Variants in CSMD1 observed in about 807,000 individuals in gnomAD.
The protein encoded by CSMD1 is CUB and sushi domain-containing protein 1.
A neutral mutation model predicts 417.5 loss-of-function variants in CSMD1; 213 were observed. The ratio of observed to expected loss-of-function variants is 0.51; its 90% confidence interval spans 0.46 to 0.57. The LOEUF (loss-of-function observed/expected upper bound fraction) is 0.57, where lower values mean the gene tolerates loss of function less well. Ranked by LOEUF, CSMD1 falls within the 20% of genes least tolerant of loss-of-function variation. The pLI is 0.00. For missense variants in CSMD1, 6,923 were observed against 4,529.7 expected (o/e 1.53, Z -15.17); for synonymous variants, 2,862 against 1,736.8 (o/e 1.65, Z -16.11).
intron 3 of CSMD1, among the ~76,000 whole-genome samples, chr8:4,076,089 G>A (rs959004289): frequency 2.6e-5 from 4 of 152,174 alleles, no homozygotes; most frequent in Admixed American, 2.0e-4. Context: ...ATCTTGAATT[G>A]CAGTTCCCAT....
intron 29 of CSMD1, among the ~76,000 whole-genome samples, chr8:3,217,443 G>A (rs753826995): frequency 6.6e-6 from 1 of 152,152 alleles, no homozygotes; most frequent in South Asian, 2.1e-4. Context: ...GGATGCCGGG[G>A]AGAACAGGAG....
At chr8:3,438,370 T>C (rs1325684655) in intron 12 of CSMD1, among the ~76,000 whole-genome samples, 1 of 152,258 alleles carries the variant, frequency 6.6e-6, no homozygotes, top group South Asian at 2.1e-4. Context: ...ACAGAACATG[T>C]CCAGCAACAC....
rs77998251 is a variant in CSMD1, at chr8:3,368,575, G to C, written c.2899+679C>G. 9.6e-3 allele frequency among the ~76,000 whole-genome samples: 1,464 copies of C among 152,222 alleles called. 11 individuals are homozygous for C. The highest frequency in any genetic ancestry group is 0.015 in the Non-Finnish European group (1,048 of 68,028). On this transcript the variant is annotated intron_variant, in intron 19 of 69. Coordinates refer to ENST00000635120, the MANE Select transcript of CSMD1 (RefSeq NM_033225.6). Reference sequence around the variant, plus strand: ...TCTGGTCTGGAACTCCTGACCTCAGGTGATACACCTGTCTTGGCCTCCCGA... The same window carrying C: ...TCTGGTCTGGAACTCCTGACCTCAGCTGATACACCTGTCTTGGCCTCCCGA...
intron 26 of CSMD1, among the ~76,000 whole-genome samples, chr8:3,276,324 A>C (rs1802287195): frequency 6.6e-6 from 1 of 152,166 alleles, no homozygotes; most frequent in South Asian, 2.1e-4. Context: ...GCTCTCTTCA[A>C]AGCTCAGATG....
intron 2 of CSMD1, among the ~76,000 whole-genome samples, chr8:4,466,557 G>T (rs897824238): frequency 1.3e-5 from 2 of 152,070 alleles, no homozygotes; most frequent in Non-Finnish European, 2.9e-5. Context: ...GAGCAAAAAT[G>T]GGCAAACAAA....
At chr8:4,026,538 T>A (rs1056436430) in intron 4 of CSMD1, among the ~76,000 whole-genome samples, 2 of 152,104 alleles carry the variant, frequency 1.3e-5, no homozygotes, top group African/African-American at 4.8e-5. Flanking sequence ...CAATAAACAA[T>A]GAAGGAAAAT....
intron 4 of CSMD1, among the ~76,000 whole-genome samples, chr8:4,018,216 T>C (rs910002129): frequency 1.7e-4 from 26 of 152,106 alleles, no homozygotes; most frequent in African/African-American, 4.8e-4. Flanking sequence ...TTTCCAGAAT[T>C]ATATTTTCAG....
At chr8:3,056,039 G>A (rs1364701756) in intron 49 of CSMD1, among the ~76,000 whole-genome samples, 1 of 152,190 alleles carries the variant, frequency 6.6e-6, no homozygotes, top group African/African-American at 2.4e-5. Flanking sequence ...TTATGTTATA[G>A]GCAGAATATG....
At chr8:3,006,026 T>G (rs529272184) in intron 52 of CSMD1, among the ~76,000 whole-genome samples, 5,283 of 151,578 alleles carry the variant, frequency 0.035, 128 homozygotes, top group African/African-American at 0.072. Flanking sequence ...GAAAACCCCA[T>G]TGTCTCAGCC....
chr8:3,270,967 G>C (rs867629491), intron 26 of CSMD1, among the ~76,000 whole-genome samples: 2 of 150,450 alleles, frequency 1.3e-5, no homozygotes, highest in Admixed American at 1.3e-4. Context: ...TAGGGTACAT[G>C]TGCACAACGT....
intron 1 of CSMD1, among the ~76,000 whole-genome samples, chr8:4,972,774 A>G (rs1172466546): frequency 6.8e-6 from 1 of 147,782 alleles, no homozygotes; most frequent in Admixed American, 6.8e-5. Flanking sequence ...TCTAAATGAC[A>G]GGCATCATGA....
intron 3 of CSMD1, among the ~76,000 whole-genome samples, chr8:4,248,702 T>C (rs1409274905): frequency 6.6e-6 from 1 of 152,166 alleles, no homozygotes; most frequent in Non-Finnish European, 1.5e-5. Context: ...CCAACACTTG[T>C]ATCCTGCTCT....
intron 68 of CSMD1, among the ~76,000 whole-genome samples, chr8:2,944,894 T>A (rs543453673): frequency 3.9e-5 from 6 of 152,252 alleles, no homozygotes; most frequent in Admixed American, 3.3e-4. Flanking sequence ...CCATAATAGA[T>A]AACAAAATTC....
At chr8:3,943,911 A>G (rs1811056744) in intron 5 of CSMD1, among the ~76,000 whole-genome samples, 1 of 152,148 alleles carries the variant, frequency 6.6e-6, no homozygotes, top group South Asian at 2.1e-4. Context: ...ATGCTGAATT[A>G]GGTTCTGAGC....
chr8:3,060,362 TCTTGAACTCCTGAACTC>T (rs886668769), intron 49 of CSMD1, among the ~76,000 whole-genome samples: 2 of 152,178 alleles, frequency 1.3e-5, no homozygotes, highest in Admixed American at 6.5e-5. Flanking sequence ...GCCAGACTGA[TCTTGAACTCCTGAACTC>T]CTTGAACTCC....
At chr8:3,980,815 C>T (rs1585071914) in intron 5 of CSMD1, among the ~76,000 whole-genome samples, 1 of 152,176 alleles carries the variant, frequency 6.6e-6, no homozygotes. Flanking sequence ...TGGCCAACCA[C>T]TAATGTCCCC....
At position 3,029,387 on chromosome 8, in the gene CSMD1, C is replaced by T. The variant is rs1230604216; in HGVS notation, c.7787G>A (p.Gly2596Asp). 6.2e-7 allele frequency: 1 copy of T among 1,611,784 alleles called. No homozygotes were observed. Among genetic ancestry groups the T allele is most frequent in the Non-Finnish European group, 8.5e-7 (1 of 1,179,484 alleles). Residue 2596 changes from glycine to aspartate, a missense_variant, in exon 51 of 70, where the codon GGC (glycine) becomes GAC (aspartate). Transcript: ENST00000635120. ...LSCSPGYYLE[G>D]WRLLRCQANG... ...GGCCTGGCACCGCAGGAGCCTCCAG[C>T]CTTCTAAGTAGTAACCAGGACTGCA...
intron 12 of CSMD1, among the ~76,000 whole-genome samples, chr8:3,454,136 C>T (rs1815946490): frequency 1.3e-5 from 2 of 151,998 alleles, no homozygotes; most frequent in African/African-American, 4.8e-5. Flanking sequence ...GATTGCAACC[C>T]CTGCCTTTTT....
At chr8:2,965,981 C>A in intron 58 of CSMD1, 27 bp from the exon 59 acceptor site, 1 of 1,557,546 alleles carries the variant, frequency 6.4e-7, no homozygotes, top group Non-Finnish European at 8.7e-7. Context: ...AGGAAAGAAT[C>A]AGAGAAATTC....
Sources: gnomAD v4.1 joint callset for allele counts (sites outside exome capture counted in the v4.1 genomes callset) on GRCh38, gnomAD v4.1.1 for gene constraint, MANE v1.5 for transcripts, NCBI Gene and HGNC (gene_info 2026-07-23, HGNC 2026-07-21) for gene names.